Variants in ABCG8 observed in about 807,000 individuals in gnomAD.
ABCG8 encodes ATP binding cassette subfamily G member 8.
Under a neutral mutation model 71.3 loss-of-function variants are expected in ABCG8, and 81 were observed. The ratio of observed to expected loss-of-function variants is 1.14; its 90% CI spans 0.95 to 1.37. The LOEUF is 1.37. Among genes scored for constraint, ABCG8 ranks in the 40% most tolerant of loss-of-function variants. The pLI, the probability that ABCG8 is intolerant of heterozygous loss-of-function variation, is 0.00. For missense variants in ABCG8, 1,119 were observed against 866.2 expected (o/e 1.29, Z -3.66); for synonymous variants, 451 against 354.7 (o/e 1.27, Z -3.05).
chr2:43,846,368 C>G (rs1368547085), intron 3 of ABCG8, 57 bp downstream of exon 3: 2 of 1,611,018 alleles, frequency 1.2e-6, no homozygotes, highest in Non-Finnish European at 1.7e-6. Flanking sequence ...CAGAATGGTC[C>G]TTTGGACAAA....
chr2:43,850,243 G>A (rs114446061), intron 3 of ABCG8, among the ~76,000 whole-genome samples: 1,591 of 152,190 alleles, frequency 0.01, 13 homozygotes, highest in Middle Eastern at 0.017. Context: ...CTCCATCTGC[G>A]GGAGTGGAAA....
chr2:43,877,472 C>T, intron 11 of ABCG8, 89 bp from the exon 12 acceptor site: 1 of 862,248 alleles, frequency 1.2e-6, no homozygotes, highest in East Asian at 2.4e-5. Context: ...TATGGGGAGA[C>T]TCTGTGAATA....
intron 6 of ABCG8, among the ~76,000 whole-genome samples, chr2:43,862,969 A>G (rs1669381122): frequency 2.0e-5 from 3 of 151,446 alleles, no homozygotes. Context: ...CAATCTGGAT[A>G]GAATTCTCAC....
chr2:43,855,798 C>T (rs1669083713), intron 6 of ABCG8, among the ~76,000 whole-genome samples: 1 of 151,856 alleles, frequency 6.6e-6, no homozygotes, highest in Admixed American at 6.6e-5. Context: ...CTCTCACTAT[C>T]TATCTGGATG....
Position 43,877,779 on chromosome 2 carries a change from C to T in ABCG8, c.1888C>T (p.Leu630Phe). The T allele has an allele frequency of 6.2e-7, 1 of 1,614,156 alleles. No homozygotes were observed. Among genetic ancestry groups the T allele is most frequent in the Non-Finnish European group, 8.5e-7 (1 of 1,180,028 alleles). The change falls in exon 13 of 13, where the codon CTC (leucine) becomes TTC (phenylalanine). Residue 630 changes from leucine to phenylalanine, a missense_variant. Coordinates refer to ENST00000272286, the MANE Select transcript of ABCG8 (RefSeq NM_022437.3). ...CACTGCATGTCTGTGTCTCCAGATC[C>T]TCAGTGTCATGGAGCTGGACTCGTA... is the stretch of plus-strand genomic sequence containing the variant. ...LTIAVSGDKI[L>F]SVMELDSYPL...
chr2:43,859,825 C>G (rs1411871156), intron 6 of ABCG8, among the ~76,000 whole-genome samples: 6 of 150,448 alleles, frequency 4.0e-5, no homozygotes, highest in Non-Finnish European at 3.0e-5. Context: ...TTCTCACCAT[C>G]TAGTTAGAAC....
At chr2:43,873,277 C>T (rs556779278) in intron 8 of ABCG8, among the ~76,000 whole-genome samples, 1 of 152,054 alleles carries the variant, frequency 6.6e-6, no homozygotes, top group South Asian at 2.1e-4. Flanking sequence ...CAACCTCCGC[C>T]TCCCAGGTTC....
In ABCG8 at chr2:43,877,955, A is replaced by T. The variant is rs1418309758; in HGVS notation, c.*42A>T. On this transcript the variant is annotated 3_prime_UTR_variant, in exon 13 of 13. Transcript: ENST00000272286. ...GCCCGCTGGTGGGGGACCTGAGCAGACCCTTCAACTGCACTCCCTCCTCAG... is the reference window on the plus strand; with the variant it reads ...GCCCGCTGGTGGGGGACCTGAGCAGTCCCTTCAACTGCACTCCCTCCTCAG... 1 of 1,613,662 alleles carries T rather than the reference A, an allele frequency of 6.2e-7. No homozygotes were observed. The highest frequency in any genetic ancestry group is 1.7e-5 in the Admixed American group (1 of 59,984).
chr2:43,839,258 T>C (rs1461453180), intron 1 of ABCG8, 142 bp downstream of exon 1: 2 of 948,816 alleles, frequency 2.1e-6, no homozygotes, highest in Non-Finnish European at 3.2e-6. Flanking sequence ...GACTGTTTCC[T>C]GCATGTCAAA....
chr2:43,871,828 C>T (rs1669785113), intron 6 of ABCG8, 148 bp from the exon 7 acceptor site: 6 of 1,175,454 alleles, frequency 5.1e-6, no homozygotes, highest in Admixed American at 2.0e-5. Context: ...TCTGCTCTGC[C>T]CCTTGCTTCA....
intron 6 of ABCG8, among the ~76,000 whole-genome samples, chr2:43,868,448 C>T (rs950040258): frequency 1.3e-5 from 2 of 152,044 alleles, no homozygotes; most frequent in African/African-American, 4.8e-5. Context: ...ATAGAATTCG[C>T]ACTATCTATC....
At position 43,851,753 on chromosome 2, in the gene ABCG8, A is replaced by C. The variant is rs1261625327; in HGVS notation, c.492A>C (p.Arg164=). ...HNQLLPNLTV[R]ETLAFIAQMR... ...AGCTGCTCCCCAACTTGACTGTGCGAGAGACCTTGGCCTTCATTGCCCAGA... is the reference window on the plus strand; with the variant it reads ...AGCTGCTCCCCAACTTGACTGTGCGCGAGACCTTGGCCTTCATTGCCCAGA... The change falls in exon 4 of 13, where the codon CGA becomes CGC. Residue 164 remains arginine, a synonymous_variant. Transcript: ENST00000272286. 1 of 1,614,236 alleles carries C rather than the reference A, an allele frequency of 6.2e-7. No homozygotes were observed. Among genetic ancestry groups the C allele is most frequent in the South Asian group, 1.1e-5 (1 of 91,084 alleles).
chr2:43,867,321 A>T (rs558330781), intron 6 of ABCG8, among the ~76,000 whole-genome samples: 1 of 148,810 alleles, frequency 6.7e-6, no homozygotes, highest in Admixed American at 6.8e-5. Flanking sequence ...CATTGTGCAC[A>T]TGTACCCTAA....
At position 43,873,774 on chromosome 2, in the gene ABCG8, T is replaced by C. The variant is rs760249673; in HGVS notation, c.1212-13T>C. On this transcript the variant is annotated splice_polypyrimidine_tract_variant and intron_variant, in intron 8 of 12. Transcript: ENST00000272286. ...TGCTGTTGCCTCAGCATCTCTTCCTTTTGGTTTTTAAGTCGTCAGATTTCC... is the reference window on the plus strand; with the variant it reads ...TGCTGTTGCCTCAGCATCTCTTCCTCTTGGTTTTTAAGTCGTCAGATTTCC... The C allele has an allele frequency of 9.9e-6, 16 of 1,613,912 alleles. No individual in the cohort carries two copies. In the Middle Eastern group the frequency reaches 2.0e-3, roughly 201 times the overall value.
At chr2:43,845,767 AACC>A (rs763774501) in intron 2 of ABCG8, among the ~76,000 whole-genome samples, 15 of 152,170 alleles carry the variant, frequency 9.9e-5, no homozygotes, top group Non-Finnish European at 1.6e-4. Flanking sequence ...GATTACAGGC[AACC>A]ACCACCATGC....
chr2:43,856,285 A>G (rs535566134), intron 6 of ABCG8, among the ~76,000 whole-genome samples: 22 of 150,812 alleles, frequency 1.5e-4, no homozygotes, highest in African/African-American at 5.4e-4. Context: ...TGGAATTCTC[A>G]CTCTCTGGAT....
chr2:43,855,357 TCTGG>T, intron 6 of ABCG8, among the ~76,000 whole-genome samples: 1 of 152,164 alleles, frequency 6.6e-6, no homozygotes, highest in South Asian at 2.1e-4. Flanking sequence ...ATTCTCACTC[TCTGG>T]ATAGATCTCT....
chr2:43,872,047 G>T lies in ABCG8; in HGVS notation c.1036G>T (p.Ala346Ser). The stretch of plus-strand genomic sequence containing the variant: ...CACCAGGGAGAAGGCTCAGTCACTC[G>T]CAGCCCTGTTTCTAGAAAAAGTGCG... ...LATREKAQSL[A>S]ALFLEKVRDL... The change falls in exon 7 of 13, where the codon GCA becomes TCA. Residue 346 changes from alanine to serine, a missense_variant. Coordinates refer to ENST00000272286, the MANE Select transcript of ABCG8 (RefSeq NM_022437.3). 1 of 1,614,086 alleles carries T rather than the reference G, an allele frequency of 6.2e-7. No individual in the cohort carries two copies. Among genetic ancestry groups the T allele is most frequent in the Non-Finnish European group, 8.5e-7 (1 of 1,180,032 alleles).
intron 3 of ABCG8, among the ~76,000 whole-genome samples, chr2:43,850,646 A>G (rs780097280): frequency 6.6e-6 from 1 of 152,312 alleles, no homozygotes; most frequent in East Asian, 1.9e-4. Context: ...AAAAAAGAGT[A>G]TTAAAAATAC....
Sources: gnomAD v4.1 joint callset for allele counts (sites outside exome capture counted in the v4.1 genomes callset) on GRCh38, gnomAD v4.1.1 for gene constraint, MANE v1.5 for transcripts, NCBI Gene and HGNC (gene_info 2026-07-23, HGNC 2026-07-21) for gene names.